Variants in PDE3A observed in about 807,000 individuals in gnomAD.
PDE3A encodes cGMP-inhibited 3',5'-cyclic phosphodiesterase 3A.
Under a neutral mutation model 98.3 loss-of-function variants are expected in PDE3A, and 43 were observed. The ratio of observed to expected loss-of-function variants is 0.44; its 90% confidence interval spans 0.34 to 0.56. The LOEUF is 0.56. Ranked by LOEUF, PDE3A falls within the 20% of genes least tolerant of loss-of-function variation. PDE3A has a pLI of 0.01. For missense variants in PDE3A, 1,427 were observed against 1,440.7 expected (o/e 0.99, Z 0.15); for synonymous variants, 663 against 567.9 (o/e 1.17, Z -2.38).
At chr12:20,662,492 C>T (rs946985168) in intron 15 of PDE3A, among the ~76,000 whole-genome samples, 2 of 152,142 alleles carry the variant, frequency 1.3e-5, no homozygotes, top group Non-Finnish European at 2.9e-5. Context: ...TTAATGACTG[C>T]CCTATTGAAT....
At chr12:20,468,331 A>G (rs986766441) in intron 1 of PDE3A, among the ~76,000 whole-genome samples, 7 of 152,170 alleles carry the variant, frequency 4.6e-5, no homozygotes, top group Admixed American at 6.5e-5. Context: ...AGAATGGCCA[A>G]TGATTATGGT....
At position 20,621,341 on chromosome 12, in the gene PDE3A, C is replaced by A. The variant is rs1256261971; in HGVS notation, c.1470C>A (p.Ser490Arg). 1 of 1,611,610 alleles carries A rather than the reference C, an allele frequency of 6.2e-7. No homozygotes were observed. Among genetic ancestry groups the A allele is most frequent in the Non-Finnish European group, 8.5e-7 (1 of 1,178,008 alleles). The change falls in exon 5 of 16, where the codon AGC becomes AGA. Residue 490 changes from serine to arginine, a missense_variant. Ser to Arg is a moderately radical substitution (Grantham distance 110). Coordinates refer to ENST00000359062, the MANE Select transcript of PDE3A (RefSeq NM_000921.5). ...CAGTGATGATGACCCTCACCAAAAG[C>A]AGATCCTTTACTTCATCCTATGCTA... ...NNPVMMTLTK[S>R]RSFTSSYAIS...
chr12:20,670,849 A>C (rs968157764), intron 15 of PDE3A, among the ~76,000 whole-genome samples: 2 of 136,844 alleles, frequency 1.5e-5, no homozygotes, highest in African/African-American at 6.0e-5. Context: ...AACTAAGATC[A>C]GAGCAGAACT....
chr12:20,407,409 G>A (rs1280770432), intron 1 of PDE3A, among the ~76,000 whole-genome samples: 5 of 152,176 alleles, frequency 3.3e-5, no homozygotes, highest in Admixed American at 3.3e-4. Flanking sequence ...CTAATTGAAT[G>A]GCTGAATTAT....
chr12:20,648,439 A>T (rs969162257), intron 12 of PDE3A, among the ~76,000 whole-genome samples: 1 of 151,992 alleles, frequency 6.6e-6, no homozygotes, highest in Non-Finnish European at 1.5e-5. Context: ...AAGATAGGCG[A>T]GTGCCCCCTC....
At chr12:20,449,486 C>A (rs1945024048) in intron 1 of PDE3A, among the ~76,000 whole-genome samples, 1 of 152,128 alleles carries the variant, frequency 6.6e-6, no homozygotes, top group East Asian at 1.9e-4. Context: ...GCCTAGACGA[C>A]TTTTGATTAA....
intron 2 of PDE3A, among the ~76,000 whole-genome samples, chr12:20,606,348 C>T (rs1171986419): frequency 6.6e-6 from 1 of 152,118 alleles, no homozygotes; most frequent in Non-Finnish European, 1.5e-5. Flanking sequence ...TGATATGTTA[C>T]TTAATGATAC....
intron 1 of PDE3A, among the ~76,000 whole-genome samples, chr12:20,394,197 A>G (rs767510738): frequency 1.6e-4 from 24 of 152,050 alleles, no homozygotes; most frequent in Non-Finnish European, 3.2e-4. Flanking sequence ...TTCATTGGTC[A>G]TTTAGATTTT....
chr12:20,369,229 CG>C lies in PDE3A; in HGVS notation c.-52del. The C allele has an allele frequency of 7.8e-7, 1 of 1,276,246 alleles. No homozygotes were observed. The allele number at this position is 1,276,246 out of a possible 1,614,324, so 79.1% of individuals were successfully genotyped here. On this transcript the variant is annotated 5_prime_UTR_variant, in exon 1 of 16. Coordinates refer to ENST00000359062, the MANE Select transcript of PDE3A (RefSeq NM_000921.5). ...TGTGTGTGCGCGCGCGCGCGTGGGTCGGGGCGGGGGCGTCGGGGGGCCACTG... is the reference window on the plus strand; with the variant it reads ...TGTGTGTGCGCGCGCGCGCGTGGGTCGGGCGGGGGCGTCGGGGGGCCACTG...
At chr12:20,618,525 T>G (rs1474689384) in intron 4 of PDE3A, among the ~76,000 whole-genome samples, 2 of 152,112 alleles carry the variant, frequency 1.3e-5, no homozygotes, top group Non-Finnish European at 2.9e-5. Flanking sequence ...AAATACAGTC[T>G]GGTAGAAAGC....
intron 2 of PDE3A, among the ~76,000 whole-genome samples, chr12:20,595,904 TTGAC>T (rs1466285931): frequency 6.6e-6 from 1 of 152,186 alleles, no homozygotes; most frequent in Non-Finnish European, 1.5e-5. Context: ...GAAATTAAAA[TTGAC>T]TGAAATGATG....
At chr12:20,452,661 CT>C (rs1164161259) in intron 1 of PDE3A, among the ~76,000 whole-genome samples, 2 of 152,190 alleles carry the variant, frequency 1.3e-5, no homozygotes, top group African/African-American at 4.8e-5. Flanking sequence ...CTCAGGGGAT[CT>C]TATGTGGTTA....
chr12:20,584,940 G>T (rs78032633), intron 2 of PDE3A, among the ~76,000 whole-genome samples: 1 of 152,044 alleles, frequency 6.6e-6, no homozygotes, highest in Non-Finnish European at 1.5e-5. Flanking sequence ...GTTATGATTA[G>T]GCAAGGCACT....
intron 1 of PDE3A, among the ~76,000 whole-genome samples, chr12:20,531,981 A>G (rs1342236118): frequency 6.6e-6 from 1 of 151,968 alleles, no homozygotes; most frequent in Non-Finnish European, 1.5e-5. Context: ...CCTGTGTGCA[A>G]GTCTAATGGA....
chr12:20,620,816 CAA>C (rs11335379), intron 4 of PDE3A, among the ~76,000 whole-genome samples: 2 of 146,776 alleles, frequency 1.4e-5, no homozygotes, highest in Admixed American at 6.8e-5. Context: ...GGAAATAATG[CAA>C]AAAAAAAACA....
At chr12:20,451,689 G>A (rs1022868800) in intron 1 of PDE3A, among the ~76,000 whole-genome samples, 1 of 152,150 alleles carries the variant, frequency 6.6e-6, no homozygotes, top group East Asian at 1.9e-4. Context: ...CAAAGCAAAA[G>A]GTGATTTATT....
At chr12:20,428,702 G>A (rs761913341) in intron 1 of PDE3A, among the ~76,000 whole-genome samples, 1 of 152,094 alleles carries the variant, frequency 6.6e-6, no homozygotes, top group Non-Finnish European at 1.5e-5. Context: ...ACATGCTTTT[G>A]CACATATAAA....
chr12:20,507,982 A>G (rs1485782123), intron 1 of PDE3A, among the ~76,000 whole-genome samples: 1 of 151,912 alleles, frequency 6.6e-6, no homozygotes, highest in Admixed American at 6.6e-5. Flanking sequence ...AAACCCTCCA[A>G]TGGCTCCCGT....
intron 1 of PDE3A, among the ~76,000 whole-genome samples, chr12:20,375,408 A>G (rs1373796961): frequency 1.3e-5 from 2 of 152,034 alleles, no homozygotes; most frequent in African/African-American, 4.8e-5. Context: ...CTGAGAATGT[A>G]TGTTTGTGCT....
Sources: gnomAD v4.1 joint callset for allele counts (sites outside exome capture counted in the v4.1 genomes callset) on GRCh38, gnomAD v4.1.1 for gene constraint, MANE v1.5 for transcripts, NCBI Gene and HGNC (gene_info 2026-07-23, HGNC 2026-07-21) for gene names.